ZCCHC4: variants seen among roughly 807,000 people sequenced by gnomAD.
ZCCHC4 encodes rRNA N(6)-adenosine-methyltransferase ZCCHC4.
ZCCHC4 carries 54 observed loss-of-function variants against 67.7 expected under a neutral mutation model. The ratio of observed to expected loss-of-function variants is 0.80; its 90% confidence interval spans 0.64 to 1.00. ZCCHC4 has a LOEUF of 1.00. ZCCHC4 is among the 50% of genes least tolerant of loss of function. The pLI, the probability that ZCCHC4 is intolerant of heterozygous loss-of-function variation, is 0.00. For synonymous variants in ZCCHC4, 198 were observed against 213.5 expected (o/e 0.93, Z 0.63); for missense variants, 609 against 617.0 (o/e 0.99, Z 0.14).
chr4:25,355,300 G>T (rs1420558283), intron 8 of ZCCHC4, among the ~76,000 whole-genome samples: 1 of 152,172 alleles, frequency 6.6e-6, no homozygotes, highest in Non-Finnish European at 1.5e-5. Flanking sequence ...AAAATAAAAT[G>T]ATTGAATCAG....
intron 3 of ZCCHC4, among the ~76,000 whole-genome samples, chr4:25,328,773 G>C (rs1577733034): frequency 1.3e-5 from 2 of 151,754 alleles, no homozygotes; most frequent in East Asian, 3.9e-4. Flanking sequence ...TGTAGAGACA[G>C]GGTCTTGCCA....
chr4:25,331,269 C>G (rs1267902687), intron 3 of ZCCHC4, among the ~76,000 whole-genome samples: 1 of 152,148 alleles, frequency 6.6e-6, no homozygotes, highest in African/African-American at 2.4e-5. Flanking sequence ...TAAATCTGGT[C>G]TCTGTTACTC....
intron 1 of ZCCHC4, among the ~76,000 whole-genome samples, chr4:25,313,629 A>G (rs996697114): frequency 1.3e-5 from 2 of 152,168 alleles, no homozygotes; most frequent in Non-Finnish European, 1.5e-5. Flanking sequence ...TAGTTCCAGC[A>G]CTTGGGGGGC....
intron 5 of ZCCHC4, among the ~76,000 whole-genome samples, chr4:25,345,116 T>C (rs1719943287): frequency 6.6e-6 from 1 of 151,414 alleles, no homozygotes; most frequent in South Asian, 2.1e-4. Flanking sequence ...ATTAAATACT[T>C]AAAAAAAAAT....
chr4:25,328,534 C>T (rs910842895), intron 3 of ZCCHC4, among the ~76,000 whole-genome samples: 27 of 151,986 alleles, frequency 1.8e-4, no homozygotes, highest in African/African-American at 6.3e-4. Context: ...GCCACCTTGC[C>T]CAGTCCACAA....
intron 7 of ZCCHC4, among the ~76,000 whole-genome samples, chr4:25,351,256 A>T (rs145451523): frequency 1.3e-5 from 2 of 152,334 alleles, no homozygotes; most frequent in African/African-American, 4.8e-5. Flanking sequence ...CTTTCACTGC[A>T]TCATGACTAC....
At chr4:25,316,831 A>AT (rs1011060981) in intron 3 of ZCCHC4, among the ~76,000 whole-genome samples, 1 of 151,982 alleles carries the variant, frequency 6.6e-6, no homozygotes, top group Non-Finnish European at 1.5e-5. Flanking sequence ...CAATTTATCA[A>AT]TTTTTTTTGT....
chr4:25,357,237 T>C (rs1720554553), intron 8 of ZCCHC4, among the ~76,000 whole-genome samples: 1 of 152,200 alleles, frequency 6.6e-6, no homozygotes, highest in Non-Finnish European at 1.5e-5. Flanking sequence ...TGGATAAACA[T>C]CCCCAATTTG....
chr4:25,333,567 A>G lies in ZCCHC4; in HGVS notation c.605+109A>G, dbSNP rs927423313. ...GTGCAAGGTATAGCATGAAGCTTTG[A>G]GTATTTAAAATGTAAAGCACAGTCC... On this transcript the variant is annotated intron_variant, in intron 4 of 12. Transcript: ENST00000302874. The G allele has an allele frequency of 4.1e-6, 5 of 1,225,366 alleles. No individual in the cohort carries two copies. In the African/African-American group the frequency reaches 7.6e-5, roughly 19 times the overall value. 75.9% of individuals were successfully genotyped at this position (1,225,366 alleles called of 1,614,324 possible).
At chr4:25,345,471 T>C in intron 5 of ZCCHC4, 77 bp from the exon 6 acceptor site, 3 of 864,182 alleles carry the variant, frequency 3.5e-6, no homozygotes, top group Non-Finnish European at 5.4e-6. Context: ...GGTGTGATTT[T>C]ATTGTTTTAA....
intron 12 of ZCCHC4, chr4:25,365,555 AG>A: frequency 1.0e-6 from 1 of 990,808 alleles, no homozygotes; most frequent in Non-Finnish European, 1.2e-6. Context: ...AGGCTGGAGA[AG>A]GCATTTCAGA....
intron 12 of ZCCHC4, among the ~76,000 whole-genome samples, chr4:25,368,425 T>G (rs1243028945): frequency 6.6e-6 from 1 of 152,210 alleles, no homozygotes; most frequent in Non-Finnish European, 1.5e-5. Context: ...TGGTTCAGTG[T>G]TTTCAGAGGG....
chr4:25,351,540 T>A (rs751468207), intron 7 of ZCCHC4, 49 bp from the exon 8 acceptor site: 1 of 1,301,344 alleles, frequency 7.7e-7, no homozygotes, highest in Admixed American at 2.0e-5. Context: ...TGTAGCCTTC[T>A]ATTTTTTCTT....
chr4:25,324,720 A>G (rs1483856250), intron 3 of ZCCHC4, among the ~76,000 whole-genome samples: 1 of 152,162 alleles, frequency 6.6e-6, no homozygotes, highest in Admixed American at 6.5e-5. Flanking sequence ...AACACTTGTT[A>G]TTATCTGTCC....
intron 12 of ZCCHC4, among the ~76,000 whole-genome samples, chr4:25,366,818 C>T (rs1460677903): frequency 1.3e-5 from 2 of 152,014 alleles, no homozygotes; most frequent in Non-Finnish European, 2.9e-5. Flanking sequence ...TCATTGCTTC[C>T]TAAATAGCCT....
chr4:25,347,166 C>T (rs1205587983), intron 6 of ZCCHC4, among the ~76,000 whole-genome samples: 1 of 152,090 alleles, frequency 6.6e-6, no homozygotes, highest in Non-Finnish European at 1.5e-5. Context: ...ACTTCTTGAT[C>T]CTACACTAGT....
Position 25,361,869 on chromosome 4 carries a change from A to G in ZCCHC4, c.1022A>G (p.Asp341Gly). Residue 341 changes from aspartate (D) to glycine (G), a missense_variant, in exon 9 of 13, where the codon GAT becomes GGT. Transcript: ENST00000302874. ...FQMLDYQVDY[D>G]NHALYKHGKT... ...TTTTTAACTTTCTAGGTAGATTATG[A>G]TAATCATGCACTTTATAAACACGGA... 5 of 1,605,480 alleles carry G rather than the reference A, an allele frequency of 3.1e-6. No homozygotes were observed. The highest frequency in any genetic ancestry group is 1.7e-4 in the Middle Eastern group (1 of 6,024).
chr4:25,366,109 A>G, intron 12 of ZCCHC4: 5 of 976,610 alleles, frequency 5.1e-6, no homozygotes, highest in Non-Finnish European at 6.1e-6. Flanking sequence ...TATTTATGGT[A>G]ATATTAGAAT....
rs552691409 is a variant in ZCCHC4, at chr4:25,368,994, C to T, written c.1407-35C>T. 6.9e-6 allele frequency: 11 copies of T among 1,590,668 alleles called. No homozygotes were observed. The South Asian group carries it at 1.3e-4, about 19-fold the overall frequency. On this transcript the variant is annotated intron_variant, in intron 12 of 12. Coordinates refer to ENST00000302874, the MANE Select transcript of ZCCHC4 (RefSeq NM_024936.3). ...ACATAATTACATAATTCACTGTGCT[C>T]ATTCTGTGAAATAATTTAGCACCTT...
Sources: allele counts gnomAD v4.1 joint callset (sites outside exome capture counted in the v4.1 genomes callset), GRCh38; gene constraint gnomAD v4.1.1; transcripts MANE v1.5; gene names NCBI Gene and HGNC (gene_info 2026-07-23, HGNC 2026-07-21).